Variants in CHODL observed in about 807,000 individuals in gnomAD.
CHODL encodes transmembrane protein MT75.
CHODL carries 29 observed loss-of-function variants against 34.5 expected under a neutral mutation model. The ratio of observed to expected loss-of-function variants is 0.84; its 90% CI spans 0.63 to 1.15. CHODL has a LOEUF of 1.15. Among genes scored for constraint, CHODL ranks in the 50% most tolerant of loss-of-function variants. The pLI, the probability that CHODL is intolerant of heterozygous loss-of-function variation, is 0.00. For synonymous variants in CHODL, 125 were observed against 116.1 expected (o/e 1.08, Z -0.49); for missense variants, 332 against 332.5 (o/e 1.00, Z 0.01).
At chr21:18,025,763 G>A (rs1182568072) in intron 1 of CHODL, among the ~76,000 whole-genome samples, 2 of 152,018 alleles carry the variant, frequency 1.3e-5, no homozygotes, top group South Asian at 2.1e-4. Flanking sequence ...TTGATTCTGA[G>A]GCTTTAACTC....
intron 2 of CHODL, among the ~76,000 whole-genome samples, chr21:18,119,912 T>G (rs536742130): frequency 3.2e-4 from 48 of 152,274 alleles, no homozygotes; most frequent in African/African-American, 1.2e-3. Context: ...ATTTTGATTT[T>G]GTAGGATTAT....
chr21:17,919,424 A>T (rs2146307719), intron 1 of CHODL, among the ~76,000 whole-genome samples: 1 of 152,294 alleles, frequency 6.6e-6, no homozygotes, highest in African/African-American at 2.4e-5. Context: ...CGTGGAAGCT[A>T]CCAAGGTTTG....
chr21:17,977,707 A>T (rs1179168846), intron 1 of CHODL, among the ~76,000 whole-genome samples: 1 of 148,040 alleles, frequency 6.8e-6, no homozygotes, highest in African/African-American at 2.5e-5. Flanking sequence ...TCCCGAGGTC[A>T]AGAGATCGAG....
intron 1 of CHODL, among the ~76,000 whole-genome samples, chr21:17,919,001 C>A (rs1010047762): frequency 2.0e-5 from 3 of 152,228 alleles, no homozygotes; most frequent in Non-Finnish European, 4.4e-5. Flanking sequence ...TGCCTCACAC[C>A]CAGGTCATGC....
At chr21:18,215,549 T>C (rs2073818555) in intron 2 of CHODL, among the ~76,000 whole-genome samples, 1 of 152,220 alleles carries the variant, frequency 6.6e-6, no homozygotes, top group Non-Finnish European at 1.5e-5. Flanking sequence ...TCTTTGGCCT[T>C]AAGTTAGTTT....
intron 1 of CHODL, among the ~76,000 whole-genome samples, chr21:17,927,893 G>A (rs183445320): frequency 3.3e-5 from 5 of 152,268 alleles, no homozygotes; most frequent in Non-Finnish European, 5.9e-5. Context: ...TTCCACCTAC[G>A]CAACACACAG....
chr21:18,195,028 ATTATTTATTTATTTATTTATTTAT>A (rs56855621), intron 2 of CHODL, among the ~76,000 whole-genome samples: 12 of 144,072 alleles, frequency 8.3e-5, no homozygotes, highest in Admixed American at 4.9e-4. Flanking sequence ...AATACAATAC[ATTATTTATTTATTTATTTATTTAT>A]TTATTTATTT....
chr21:18,168,603 G>C (rs2073186186), intron 2 of CHODL, among the ~76,000 whole-genome samples: 1 of 152,152 alleles, frequency 6.6e-6, no homozygotes, highest in South Asian at 2.1e-4. Flanking sequence ...CAAATAGTTT[G>C]CATATTTTAA....
chr21:18,251,924 T>C (rs1197470830), intron 1 of CHODL, among the ~76,000 whole-genome samples: 2 of 151,540 alleles, frequency 1.3e-5, no homozygotes, highest in Non-Finnish European at 2.9e-5. Flanking sequence ...TATGTACCCA[T>C]GAACTTAAAA....
intron 1 of CHODL, among the ~76,000 whole-genome samples, chr21:17,989,331 G>A (rs542609673): frequency 1.3e-5 from 2 of 152,232 alleles, no homozygotes; most frequent in East Asian, 3.9e-4. Context: ...AAAATAAAAA[G>A]TGTTGATAAA....
At chr21:18,000,193 C>G (rs1173071017) in intron 1 of CHODL, among the ~76,000 whole-genome samples, 1 of 152,030 alleles carries the variant, frequency 6.6e-6, no homozygotes, top group Non-Finnish European at 1.5e-5. Context: ...ATATTTCTGA[C>G]TTAGGGCCTC....
At chr21:18,076,442 C>T (rs1247743748) in intron 2 of CHODL, among the ~76,000 whole-genome samples, 1 of 152,136 alleles carries the variant, frequency 6.6e-6, no homozygotes, top group Non-Finnish European at 1.5e-5. Flanking sequence ...GAGAAAATAT[C>T]TAAGCAAAAT....
intron 2 of CHODL, among the ~76,000 whole-genome samples, chr21:18,105,388 C>T (rs535320597): frequency 1.3e-5 from 2 of 152,318 alleles, no homozygotes; most frequent in African/African-American, 4.8e-5. Context: ...ACTTATGTGC[C>T]TTTTCAAAGC....
At chr21:18,234,949 C>A (rs763190973) in intron 2 of CHODL, among the ~76,000 whole-genome samples, 9 of 151,928 alleles carry the variant, frequency 5.9e-5, no homozygotes, top group African/African-American at 9.7e-5. Flanking sequence ...TTAGTTTTAT[C>A]CATCTGGAAA....
chr21:18,261,819 A>G (rs1446693514), intron 4 of CHODL, among the ~76,000 whole-genome samples: 1 of 152,176 alleles, frequency 6.6e-6, no homozygotes, highest in Non-Finnish European at 1.5e-5. Flanking sequence ...ATGTGATGGA[A>G]CAGGATTAAA....
chr21:18,130,135 G>T (rs908779959), intron 2 of CHODL, among the ~76,000 whole-genome samples: 1 of 152,000 alleles, frequency 6.6e-6, no homozygotes, highest in African/African-American at 2.4e-5. Flanking sequence ...TGTGGTCATG[G>T]CTATGATGAT....
At chr21:18,143,629 G>A (rs1008943132) in intron 2 of CHODL, among the ~76,000 whole-genome samples, 2 of 151,980 alleles carry the variant, frequency 1.3e-5, no homozygotes, top group Admixed American at 6.6e-5. Context: ...TCTATAAGAC[G>A]GGAGAGTAAT....
At chr21:18,238,594 A>T (rs1601185767) in intron 2 of CHODL, among the ~76,000 whole-genome samples, 1 of 152,198 alleles carries the variant, frequency 6.6e-6, no homozygotes, top group South Asian at 2.1e-4. Context: ...CAATGTGGTT[A>T]TGTGAAAGTT....
At chr21:18,108,621 C>A (rs550806425) in intron 2 of CHODL, among the ~76,000 whole-genome samples, 3 of 152,240 alleles carry the variant, frequency 2.0e-5, no homozygotes, top group South Asian at 4.1e-4. Flanking sequence ...GGCTGCCCCC[C>A]AGTACTGCCT....
Sources: allele counts gnomAD v4.1 joint callset (sites outside exome capture counted in the v4.1 genomes callset), GRCh38; gene constraint gnomAD v4.1.1; transcripts MANE v1.5; gene names NCBI Gene and HGNC (gene_info 2026-07-23, HGNC 2026-07-21).